Variants in SLC16A14 observed in about 807,000 individuals in gnomAD.
The protein encoded by SLC16A14 is solute carrier family 16 member 14.
In SLC16A14, 14 loss-of-function variants were observed where a neutral mutation model predicts 35.8. That is an observed-to-expected ratio of 0.39 (90% CI 0.26 to 0.61). The LOEUF (loss-of-function observed/expected upper bound fraction) is 0.61, where lower values mean the gene tolerates loss of function less well. SLC16A14 is among the 20% of genes least tolerant of loss of function. The pLI is 0.51. For synonymous variants in SLC16A14, 248 were observed against 258.9 expected, an observed-to-expected ratio of 0.96 and a Z score of 0.40; for missense variants, 533 against 655.0, an observed-to-expected ratio of 0.81 and a Z score of 2.03.
chr2:230,040,555 CTG>C (rs1237577928), intron 4 of SLC16A14, among the ~76,000 whole-genome samples: 1 of 152,006 alleles, frequency 6.6e-6, no homozygotes, highest in African/African-American at 2.4e-5. Flanking sequence ...TTTTTAAAAA[CTG>C]TCCTCTTTCC....
chr2:230,051,702 A>G (rs995215383), intron 2 of SLC16A14, among the ~76,000 whole-genome samples: 2 of 152,212 alleles, frequency 1.3e-5, no homozygotes, highest in African/African-American at 4.8e-5. Flanking sequence ...AAACTTGTTT[A>G]AAGAGCTTCC....
At chr2:230,047,505 A>G (rs1044121103) in intron 3 of SLC16A14, among the ~76,000 whole-genome samples, 2 of 151,976 alleles carry the variant, frequency 1.3e-5, no homozygotes, top group African/African-American at 4.8e-5. Context: ...TGGTTTCACC[A>G]TGTTGCCCAA....
chr2:230,037,042 G>GT lies in SLC16A14; in HGVS notation c.*337dup, dbSNP rs535428260. On this transcript the variant is annotated 3_prime_UTR_variant, in exon 5 of 5. Coordinates refer to ENST00000295190, the MANE Select transcript of SLC16A14 (RefSeq NM_152527.5). ...TTGAGTTGAAAAGCTTTTATTCCCT[G>GT]TTTTTGTTTTTAAAAGCTGTATTTA... is the stretch of plus-strand genomic sequence containing the variant. 3.2e-4 allele frequency: 52 copies of GT among 160,780 alleles called. No homozygotes were observed. In the East Asian group the frequency reaches 6.9e-3, roughly 21 times the overall value. The allele number at this position is 160,780 out of a possible 1,614,324, so 10.0% of individuals were successfully genotyped here.
intron 1 of SLC16A14, among the ~76,000 whole-genome samples, chr2:230,062,636 C>T (rs1285770319): frequency 6.6e-6 from 1 of 152,020 alleles, no homozygotes; most frequent in Non-Finnish European, 1.5e-5. Flanking sequence ...GCTATGTTTC[C>T]CAAAAACCCT....
intron 2 of SLC16A14, among the ~76,000 whole-genome samples, chr2:230,056,548 G>T (rs1297129725): frequency 6.6e-6 from 1 of 152,056 alleles, no homozygotes; most frequent in Non-Finnish European, 1.5e-5. Context: ...GAACCACCGT[G>T]CCTGGCTTTA....
At chr2:230,047,628 T>A (rs1387367048) in intron 3 of SLC16A14, among the ~76,000 whole-genome samples, 1 of 152,230 alleles carries the variant, frequency 6.6e-6, no homozygotes, top group African/African-American at 2.4e-5. Flanking sequence ...TTTAAAGAAC[T>A]GTTTTAACCA....
At chr2:230,040,627 A>G (rs2106242366) in intron 4 of SLC16A14, among the ~76,000 whole-genome samples, 1 of 152,096 alleles carries the variant, frequency 6.6e-6, no homozygotes, top group East Asian at 1.9e-4. Context: ...AACATAACTC[A>G]TGTCAGTTTT....
intron 1 of SLC16A14, among the ~76,000 whole-genome samples, chr2:230,060,062 C>T (rs2077739016): frequency 6.6e-6 from 1 of 152,162 alleles, no homozygotes; most frequent in Non-Finnish European, 1.5e-5. Flanking sequence ...ACACAGGGAA[C>T]TTAATTAGTT....
intron 1 of SLC16A14, among the ~76,000 whole-genome samples, chr2:230,063,395 C>G (rs1256115070): frequency 1.3e-5 from 2 of 150,830 alleles, no homozygotes; most frequent in African/African-American, 4.9e-5. Context: ...GTGATTTTCT[C>G]TCCTTCCCCT....
rs1174454295 is a variant in SLC16A14 at position 230,045,736 on chromosome 2, A to G, written c.1381+9T>C. 6.2e-7 allele frequency: 1 copy of G among 1,614,230 alleles called. No homozygotes were observed. On this transcript the variant is annotated intron_variant, in intron 4 of 4. Transcript: ENST00000295190. Reference sequence around the variant, plus strand: ...GCACTCTGAGCTCTTAAAACCTCAGAGAGTTTACCTGCAAAAGGTGGTCCC... The same window carrying G: ...GCACTCTGAGCTCTTAAAACCTCAGGGAGTTTACCTGCAAAAGGTGGTCCC...
chr2:230,063,158 G>T (rs979044150), intron 1 of SLC16A14, among the ~76,000 whole-genome samples: 2 of 151,940 alleles, frequency 1.3e-5, no homozygotes, highest in Non-Finnish European at 2.9e-5. Context: ...ATGGTGGCAG[G>T]TGCCTAAAAT....
chr2:230,036,566 C>T lies in SLC16A14; in HGVS notation c.*814G>A, dbSNP rs1336412325. 2 of 152,180 alleles carry T rather than the reference C, an allele frequency of 1.3e-5. No individual in the cohort carries two copies. Among genetic ancestry groups the T allele is most frequent in the East Asian group, 3.8e-4 (2 of 5,206 alleles). 9.4% of individuals were successfully genotyped at this position (152,180 alleles called of 1,614,324 possible). ...TCAGAAAAAAATATTACAGGCCCCA[C>T]CTCATGCTTATATCATCTAAGAGGC... On this transcript the variant is annotated 3_prime_UTR_variant, in exon 5 of 5. Transcript: ENST00000295190.
chr2:230,046,535 G>A lies in SLC16A14; in HGVS notation c.591C>T (p.Ala197=), dbSNP rs1421376503. 3 of 1,614,142 alleles carry A rather than the reference G, an allele frequency of 1.9e-6. No homozygotes were observed. Among genetic ancestry groups the A allele is most frequent in the Admixed American group, 1.7e-5 (1 of 60,008 alleles). The change falls in exon 4 of 5, where the codon GCC becomes GCT. Residue 197 remains alanine (A), a synonymous_variant. Coordinates refer to ENST00000295190, the MANE Select transcript of SLC16A14 (RefSeq NM_152527.5). The surrounding 1 kb of genome is among the most constrained non-coding windows in gnomAD (Gnocchi z 5.0). ...CACAAACACACAGGTTTAGGGAAAC[G>A]GCACCTTGGATCAACATGGCATTCC... The part of the protein sequence containing the change: ...GWRNAMLIQG[A]VSLNLCVCGA...
At chr2:230,041,821 A>G (rs916109292) in intron 4 of SLC16A14, among the ~76,000 whole-genome samples, 3 of 152,176 alleles carry the variant, frequency 2.0e-5, no homozygotes, top group Admixed American at 1.3e-4. Context: ...AAACCCAGCT[A>G]AGTAATAATT....
chr2:230,066,850 A>C (rs4246640), intron 1 of SLC16A14: 252,133 of 266,044 alleles, frequency 0.95, 121,155 homozygotes, highest in Non-Finnish European at 1. Flanking sequence ...TGGTCTCGAA[A>C]CTCTGACCTC....
chr2:230,066,727 C>T (rs1458985935), intron 1 of SLC16A14: 1 of 389,114 alleles, frequency 2.6e-6, no homozygotes, highest in Non-Finnish European at 4.9e-6. Context: ...TTCCGCCTCC[C>T]GAGTTCAAGC....
chr2:230,046,107 A>G lies in SLC16A14; in HGVS notation c.1019T>C (p.Ile340Thr). 6.2e-7 allele frequency: 1 copy of G among 1,613,988 alleles called. No homozygotes were observed. Among genetic ancestry groups the G allele is most frequent in the South Asian group, 1.1e-5 (1 of 91,084 alleles). The change falls in exon 4 of 5, where the codon ATC (isoleucine) becomes ACC (threonine). Residue 340 changes from isoleucine to threonine, a missense_variant. Transcript: ENST00000295190. The surrounding 1 kb of genome is among the most constrained non-coding windows in gnomAD (Gnocchi z 5.0). ...FVIPFIHLPE[I>T]VNLYNLSEQN... ...CTCCGATAAGTTATACAAATTGACG[A>G]TTTCTGGGAGGTGAATGAAGGGGAT...
At chr2:230,064,361 A>G (rs544845036) in intron 1 of SLC16A14, among the ~76,000 whole-genome samples, 15 of 151,414 alleles carry the variant, frequency 9.9e-5, no homozygotes, top group African/African-American at 3.6e-4. Context: ...TCCCCTTCCC[A>G]ATGTCTGAGC....
chr2:230,054,087 G>GA (rs1553820337), intron 2 of SLC16A14, among the ~76,000 whole-genome samples: 7 of 84,312 alleles, frequency 8.3e-5, no homozygotes, highest in East Asian at 3.9e-4. Flanking sequence ...AGCCTGAGGT[G>GA]GGGGGGGAAG....
Sources: gnomAD v4.1 joint callset for allele counts (sites outside exome capture counted in the v4.1 genomes callset) on GRCh38, gnomAD v4.1.1 for gene constraint, Gnocchi (gnomAD v3.1) non-coding constraint, MANE v1.5 for transcripts, NCBI Gene and HGNC (gene_info 2026-07-23, HGNC 2026-07-21) for gene names.